Variants in COL12A1 observed in about 807,000 individuals in gnomAD.
COL12A1 encodes the protein collagen alpha-1(XII) chain.
A neutral mutation model predicts 349.7 loss-of-function variants in COL12A1; 114 were observed. The observed-to-expected ratio is 0.33, with a 90% CI of 0.28 to 0.38. The LOEUF (loss-of-function observed/expected upper bound fraction) is 0.38. Ranked by LOEUF, COL12A1 falls within the 10% of genes least tolerant of loss-of-function variation. The pLI, the probability that COL12A1 is intolerant of heterozygous loss-of-function variation, is 1.00. For missense variants in COL12A1, 3,284 were observed against 3,756.9 expected (o/e 0.87, Z 3.29); for synonymous variants, 1,369 against 1,329.0 (o/e 1.03, Z -0.66).
In COL12A1 at chr6:75,117,453, A is replaced by G. The variant is rs1443348987; in HGVS notation, c.7448T>C (p.Val2483Ala). ...CTTCTCAAAAGATTCAAAGTCGTCC[A>G]CAATGAACACGTGCCGTTCACTTGG... Reference protein sequence around the residue: ...SKPSERHVFIVDDFESFEKIE... With the variant: ...SKPSERHVFIADDFESFEKIE... The change falls in exon 47 of 66, where the codon GTG (valine) becomes GCG (alanine). Residue 2483 changes from valine to alanine, a missense_variant. By Grantham distance (64) the Val-to-Ala change is moderately conservative (BLOSUM62 0). This residue lies in a region of COL12A1 where 683 missense variants were observed against 932.1 expected (regional missense o/e 0.73). Coordinates refer to ENST00000322507, the MANE Select transcript of COL12A1 (RefSeq NM_004370.6). 1.2e-6 allele frequency: 2 copies of G among 1,613,700 alleles called. No homozygotes were observed. Among genetic ancestry groups the G allele is most frequent in the Non-Finnish European group, 1.7e-6 (2 of 1,179,762 alleles).
intron 60 of COL12A1, among the ~76,000 whole-genome samples, chr6:75,092,710 C>T (rs1767833892): frequency 6.6e-6 from 1 of 152,142 alleles, no homozygotes; most frequent in South Asian, 2.1e-4. Flanking sequence ...ATTCTCCACA[C>T]AAAAACCAGA....
chr6:75,147,966 A>G (rs1217252211), intron 22 of COL12A1, among the ~76,000 whole-genome samples, 162 bp from the exon 23 acceptor site: 1 of 152,248 alleles, frequency 6.6e-6, no homozygotes, highest in Non-Finnish European at 1.5e-5. Context: ...GAGATCTTGG[A>G]CAATTCATAT....
In COL12A1 at chr6:75,145,350, G is replaced by C; in HGVS notation, c.4666C>G (p.Pro1556Ala). The C allele has an allele frequency of 6.2e-7, 1 of 1,612,482 alleles. No homozygotes were observed. The change falls in exon 25 of 66, where the codon CCT (proline) becomes GCT (alanine). Residue 1556 changes from proline to alanine, a missense_variant. This residue lies in a region of COL12A1 where 2,601 missense variants were observed against 2,824.8 expected (regional missense o/e 0.92). Coordinates refer to ENST00000322507, the MANE Select transcript of COL12A1 (RefSeq NM_004370.6). The part of the protein sequence containing the change: ...QAVLHDLTSE[P>A]VTVREVTLPL... Reference sequence around the variant, plus strand: ...CAGGTGACTTCCCGAACAGTGACAGGTTCACTAGTGAGGTCGTGCAGGACA... The same window carrying C: ...CAGGTGACTTCCCGAACAGTGACAGCTTCACTAGTGAGGTCGTGCAGGACA...
rs773807635 is a variant in COL12A1, at chr6:75,133,908, G to A, written c.5614C>T (p.Arg1872Cys). 14 of 1,613,880 alleles carry A rather than the reference G, an allele frequency of 8.7e-6. No homozygotes were observed. Among genetic ancestry groups the A allele is most frequent in the East Asian group, 2.2e-5 (1 of 44,874 alleles). ...VRWDHAEGNPRQYKLFYAPAA... is the reference protein window; with the variant it reads ...VRWDHAEGNPCQYKLFYAPAA... ...GGTGCATAGAAGAGCTTGTACTGACGAGGATTTCCCTCTGCATGGTCCCAG... is the reference window on the plus strand; with the variant it reads ...GGTGCATAGAAGAGCTTGTACTGACAAGGATTTCCCTCTGCATGGTCCCAG... Residue 1872 changes from arginine to cysteine, a missense_variant, in exon 33 of 66, where the codon CGT (arginine) becomes TGT (cysteine). This residue lies in a region of COL12A1 where 2,601 missense variants were observed against 2,824.8 expected (regional missense o/e 0.92). Coordinates refer to ENST00000322507, the MANE Select transcript of COL12A1 (RefSeq NM_004370.6).
chr6:75,130,199 A>G lies in COL12A1; in HGVS notation c.6102T>C (p.Phe2034=). ...PRSGPRNLRV[F]GETTNSLSVA... ...CCGAGAGGCTATTGGTTGTTTCACC[A>G]AAGACTCTCAGGTTCCTTGGTCCAC... Residue 2034 remains phenylalanine, a synonymous_variant, in exon 37 of 66, where the codon TTT becomes TTC. Transcript: ENST00000322507. The G allele has an allele frequency of 6.2e-7, 1 of 1,614,020 alleles. No homozygotes were observed. The highest frequency in any genetic ancestry group is 8.5e-7 in the Non-Finnish European group (1 of 1,179,982).
chr6:75,172,078 A>C (rs115192656), intron 13 of COL12A1, among the ~76,000 whole-genome samples: 1,818 of 152,328 alleles, frequency 0.012, 36 homozygotes, highest in African/African-American at 0.041. Context: ...TAGCTTTTAA[A>C]ATTTATTTTA....
chr6:75,121,836 A>G (rs975867119), intron 43 of COL12A1, among the ~76,000 whole-genome samples: 3 of 151,314 alleles, frequency 2.0e-5, no homozygotes, highest in Non-Finnish European at 4.4e-5. Context: ...ATTATTAAAG[A>G]TTGACTTTAT....
intron 17 of COL12A1, 27 bp from the exon 18 acceptor site, chr6:75,152,509 A>G: frequency 6.2e-7 from 1 of 1,612,148 alleles, no homozygotes; most frequent in Non-Finnish European, 8.5e-7. Flanking sequence ...GAGACAAGAC[A>G]GTAAGAAGCA....
In COL12A1 at chr6:75,137,597, A is replaced by G; in HGVS notation, c.5252-18T>C. On this transcript the variant is annotated intron_variant, in intron 30 of 65. Transcript: ENST00000322507. Reference sequence around the variant, plus strand: ...TTTGGGAGCTGAAAGAAGATTGTTGAAAAACTGAGTAAGCAGACAGAACAA... The same window carrying G: ...TTTGGGAGCTGAAAGAAGATTGTTGGAAAACTGAGTAAGCAGACAGAACAA... The G allele has an allele frequency of 6.2e-7, 1 of 1,613,364 alleles. No individual in the cohort carries two copies. Among genetic ancestry groups the G allele is most frequent in the Non-Finnish European group, 8.5e-7 (1 of 1,179,678 alleles).
At chr6:75,129,364 G>A (rs928512224) in intron 37 of COL12A1, among the ~76,000 whole-genome samples, 2 of 152,130 alleles carry the variant, frequency 1.3e-5, no homozygotes, top group Non-Finnish European at 1.5e-5. Context: ...CGATCTATGT[G>A]GTAAAAAGAT....
intron 56 of COL12A1, 45 bp downstream of exon 56, chr6:75,102,552 G>A (rs1768352940): frequency 7.3e-7 from 1 of 1,360,948 alleles, no homozygotes; most frequent in Non-Finnish European, 9.8e-7. Flanking sequence ...TTAACTAAAT[G>A]TTTATCCACC....
chr6:75,181,793 CA>C (rs376453216), intron 10 of COL12A1, among the ~76,000 whole-genome samples: 21 of 144,828 alleles, frequency 1.5e-4, no homozygotes, highest in Middle Eastern at 3.4e-3. Context: ...TATTAACAAC[CA>C]AAAAAAAAAG....
At position 75,106,574 on chromosome 6, in the gene COL12A1, G is replaced by T; in HGVS notation, c.8101-78C>A. The T allele has an allele frequency of 4.0e-6, 5 of 1,252,516 alleles. No homozygotes were observed. In the South Asian group the frequency reaches 5.0e-5, roughly 13 times the overall value. The allele number at this position is 1,252,516 out of a possible 1,614,324, so 77.6% of individuals were successfully genotyped here. On this transcript the variant is annotated intron_variant, in intron 52 of 65. Coordinates refer to ENST00000322507, the MANE Select transcript of COL12A1 (RefSeq NM_004370.6). ...ATTGGCACTTCCACATTTTAACATT[G>T]CCAACTTCTCACACATACTCTCTCA...
In COL12A1 at chr6:75,130,900, G is replaced by A. The variant is rs1367609316; in HGVS notation, c.6019C>T (p.Leu2007=). 1 of 1,613,982 alleles carries A rather than the reference G, an allele frequency of 6.2e-7. No individual in the cohort carries two copies. The highest frequency in any genetic ancestry group is 8.5e-7 in the Non-Finnish European group (1 of 1,180,008). Residue 2007 remains leucine (L), a synonymous_variant, in exon 36 of 66, where the codon CTG becomes TTG. Transcript: ENST00000322507. ...DTLYSVNLVA[L]YSDGEGNPSP... ...GGATTTCCCTCTCCATCCGAGTACA[G>A]AGCCACAAGGTTCACGGAATAGAGT...
At chr6:75,191,487 G>A (rs895414659) in intron 5 of COL12A1, among the ~76,000 whole-genome samples, 1 of 151,882 alleles carries the variant, frequency 6.6e-6, no homozygotes, top group Non-Finnish European at 1.5e-5. Context: ...AGAATATCTA[G>A]TAAATAGAAT....
intron 13 of COL12A1, among the ~76,000 whole-genome samples, chr6:75,166,106 T>C (rs1768292871): frequency 1.3e-5 from 2 of 152,266 alleles, no homozygotes; most frequent in South Asian, 4.1e-4. Context: ...AAAAAAAATG[T>C]ATCTAAGTCC....
At chr6:75,190,308 C>A (rs1485382563) in intron 5 of COL12A1, among the ~76,000 whole-genome samples, 1 of 151,818 alleles carries the variant, frequency 6.6e-6, no homozygotes, top group Non-Finnish European at 1.5e-5. Flanking sequence ...GAGTTGAAGA[C>A]CTAATTTGTT....
intron 10 of COL12A1, 131 bp downstream of exon 10, chr6:75,182,919 G>T: frequency 8.7e-7 from 1 of 1,147,362 alleles, no homozygotes; most frequent in Non-Finnish European, 1.2e-6. Context: ...AAGTTCAATA[G>T]TTTTCAATAA....
At chr6:75,123,503 C>A in intron 42 of COL12A1, 99 bp from the exon 43 acceptor site, 1 of 960,610 alleles carries the variant, frequency 1.0e-6, no homozygotes, top group South Asian at 1.5e-5. Context: ...GATACCAAAT[C>A]AAGTCGTACA....
Sources: gnomAD v4.1 joint callset for allele counts (sites outside exome capture counted in the v4.1 genomes callset) on GRCh38, gnomAD v4.1.1 for gene constraint, gnomAD v4.1.1 regional missense constraint, MANE v1.5 for transcripts, NCBI Gene and HGNC (gene_info 2026-07-23, HGNC 2026-07-21) for gene names.